ZNF438: variants seen among roughly 807,000 people sequenced by gnomAD.
ZNF438 encodes zinc finger protein 438.
In ZNF438, 25 loss-of-function variants were observed where a neutral mutation model predicts 38.0. The ratio of observed to expected loss-of-function variants is 0.66; its 90% CI spans 0.48 to 0.92. ZNF438 has a LOEUF of 0.92. ZNF438 is among the 40% of genes least tolerant of loss of function. The pLI is 0.00. For synonymous variants in ZNF438, 372 were observed against 364.1 expected (o/e 1.02, Z -0.25); for missense variants, 1,007 against 999.6 (o/e 1.01, Z -0.10).
At chr10:30,893,241 G>A (rs1365211410) in intron 3 of ZNF438, among the ~76,000 whole-genome samples, 1 of 152,162 alleles carries the variant, frequency 6.6e-6, no homozygotes, top group Non-Finnish European at 1.5e-5. Context: ...AACTTTAGCT[G>A]AATATGCAAA....
At chr10:30,888,344 A>AACACACACACACAC (rs140506626) in intron 3 of ZNF438, among the ~76,000 whole-genome samples, 18,650 of 147,282 alleles carry the variant, frequency 0.13, 1,393 homozygotes, top group African/African-American at 0.21. Context: ...TAATATTATA[A>AACACACACACACAC]ACACACACAC....
chr10:31,020,753 T>C (rs1331832821), intron 1 of ZNF438, among the ~76,000 whole-genome samples: 1 of 151,718 alleles, frequency 6.6e-6, no homozygotes, highest in Non-Finnish European at 1.5e-5. Flanking sequence ...ATATTACTTA[T>C]TGTTCATAAT....
At chr10:30,959,781 C>A (rs2049275099) in intron 1 of ZNF438, among the ~76,000 whole-genome samples, 1 of 146,242 alleles carries the variant, frequency 6.8e-6, no homozygotes, top group Non-Finnish European at 1.6e-5. Context: ...ACACACATAC[C>A]TGATTCATTC....
At chr10:30,935,999 A>C (rs1013769802) in intron 2 of ZNF438, among the ~76,000 whole-genome samples, 1 of 152,204 alleles carries the variant, frequency 6.6e-6, no homozygotes, top group Non-Finnish European at 1.5e-5. Context: ...ACAAACATCC[A>C]AACTATAGAA....
chr10:30,866,996 A>G (rs1459455544), intron 4 of ZNF438, among the ~76,000 whole-genome samples: 1 of 152,236 alleles, frequency 6.6e-6, no homozygotes, highest in Non-Finnish European at 1.5e-5. Context: ...AGAATCACTT[A>G]AGTATGAGAC....
intron 1 of ZNF438, among the ~76,000 whole-genome samples, chr10:30,981,319 A>G (rs1182737865): frequency 2.0e-5 from 3 of 152,198 alleles, no homozygotes; most frequent in African/African-American, 7.2e-5. Context: ...GTGTGATCAG[A>G]TATTCTTACC....
intron 3 of ZNF438, among the ~76,000 whole-genome samples, chr10:30,904,785 C>T (rs2042404913): frequency 6.6e-6 from 1 of 152,182 alleles, no homozygotes; most frequent in South Asian, 2.1e-4. Flanking sequence ...TTCCTGTAAT[C>T]CCTCTTATCT....
intron 1 of ZNF438, among the ~76,000 whole-genome samples, chr10:30,946,013 C>T (rs2047363040): frequency 7.6e-6 from 1 of 131,684 alleles, no homozygotes; most frequent in Non-Finnish European, 1.6e-5. Flanking sequence ...GTTTACAGTC[C>T]CACCAACAGT....
chr10:30,890,921 T>C (rs1345938567), intron 3 of ZNF438, among the ~76,000 whole-genome samples: 1 of 152,218 alleles, frequency 6.6e-6, no homozygotes, highest in Non-Finnish European at 1.5e-5. Context: ...TCAATAAAAA[T>C]GTCGGATAAT....
intron 4 of ZNF438, among the ~76,000 whole-genome samples, chr10:30,869,875 G>A (rs1421882155): frequency 6.6e-6 from 1 of 152,126 alleles, no homozygotes; most frequent in Non-Finnish European, 1.5e-5. Flanking sequence ...CAATAGTGAG[G>A]TCATAAAGCA....
intron 2 of ZNF438, among the ~76,000 whole-genome samples, chr10:30,927,546 G>C (rs1009413813): frequency 1.3e-5 from 2 of 152,212 alleles, no homozygotes; most frequent in African/African-American, 4.8e-5. Context: ...TGCCATCCAT[G>C]ATTTTTGTCA....
chr10:30,924,971 T>C (rs1163137953), intron 2 of ZNF438, among the ~76,000 whole-genome samples: 2 of 152,238 alleles, frequency 1.3e-5, no homozygotes, highest in East Asian at 3.8e-4. Flanking sequence ...TAAAGTGGTT[T>C]TTAAATTTTC....
At chr10:31,025,808 G>A (rs985566576) in intron 1 of ZNF438, among the ~76,000 whole-genome samples, 12 of 152,010 alleles carry the variant, frequency 7.9e-5, no homozygotes, top group African/African-American at 2.9e-4. Context: ...AACCAAATGT[G>A]AAATGAAGCA....
intron 2 of ZNF438, among the ~76,000 whole-genome samples, chr10:30,909,613 T>A (rs1171544887): frequency 6.6e-6 from 1 of 152,238 alleles, no homozygotes; most frequent in African/African-American, 2.4e-5. Flanking sequence ...GGCCTCTTGA[T>A]GAAAGTAATA....
At chr10:30,878,916 C>G (rs1459453447) in intron 3 of ZNF438, among the ~76,000 whole-genome samples, 2 of 152,074 alleles carry the variant, frequency 1.3e-5, no homozygotes, top group African/African-American at 4.8e-5. Flanking sequence ...CGAGAAAAAT[C>G]CTGCATCATC....
intron 1 of ZNF438, among the ~76,000 whole-genome samples, chr10:31,004,358 T>C (rs1177338576): frequency 6.6e-6 from 1 of 152,144 alleles, no homozygotes; most frequent in Non-Finnish European, 1.5e-5. Flanking sequence ...CTCTTTTAGA[T>C]GTCAGGTAAC....
chr10:30,888,362 A>ACACACACACACAC (rs1564574714), intron 3 of ZNF438, among the ~76,000 whole-genome samples: 466 of 36,538 alleles, frequency 0.013, 5 homozygotes, highest in African/African-American at 0.033. Flanking sequence ...CACACACACA[A>ACACACACACACAC]ACACACACAT....
intron 2 of ZNF438, among the ~76,000 whole-genome samples, chr10:30,918,666 A>G (rs2043931213): frequency 6.6e-6 from 1 of 152,218 alleles, no homozygotes; most frequent in Non-Finnish European, 1.5e-5. Flanking sequence ...TGTATGGTAA[A>G]CAAGACAAGA....
chr10:30,917,196 G>C (rs118021689), intron 2 of ZNF438, among the ~76,000 whole-genome samples: 1,701 of 152,108 alleles, frequency 0.011, 20 homozygotes, highest in Non-Finnish European at 0.014. Flanking sequence ...TAATTTGCCA[G>C]TGTTTCATTT....
Sources: gnomAD v4.1 joint callset for allele counts (sites outside exome capture counted in the v4.1 genomes callset) on GRCh38, gnomAD v4.1.1 for gene constraint, MANE v1.5 for transcripts, NCBI Gene and HGNC (gene_info 2026-07-23, HGNC 2026-07-21) for gene names.